Variants in C1orf167 observed in about 807,000 individuals in gnomAD.
C1orf167 encodes chromosome 1 open reading frame 167.
C1orf167 carries 153 observed loss-of-function variants against 176.5 expected under a neutral mutation model. The observed-to-expected ratio is 0.87, with a 90% confidence interval of 0.76 to 0.99. The LOEUF is 0.99. Among genes scored for constraint, C1orf167 ranks in the 50% least tolerant of loss-of-function variants. The probability of loss-of-function intolerance (pLI) is 0.00; values close to 1 mark genes in which losing one functional copy is unlikely to be tolerated. For missense variants in C1orf167, 1,490 were observed against 1,817.7 expected (o/e 0.82, Z 3.28); for synonymous variants, 594 against 752.7 (o/e 0.79, Z 3.45).
At chr1:11,770,658 C>T (rs1422977306) in intron 6 of C1orf167, among the ~76,000 whole-genome samples, 3 of 147,272 alleles carry the variant, frequency 2.0e-5, no homozygotes, top group African/African-American at 5.0e-5. Context: ...GATGGGGTTT[C>T]GCCATGTTGG....
chr1:11,764,716 G>T (rs1642702227), intron 2 of C1orf167, among the ~76,000 whole-genome samples: 1 of 152,214 alleles, frequency 6.6e-6, no homozygotes, highest in Non-Finnish European at 1.5e-5. Flanking sequence ...GGCCCCCACA[G>T]CTCGGTCCTG....
intron 11 of C1orf167, 48 bp downstream of exon 11, chr1:11,778,864 G>A: frequency 1.5e-6 from 2 of 1,293,522 alleles, no homozygotes; most frequent in South Asian, 1.2e-5. Flanking sequence ...AGGGGTGGAT[G>A]GGTGGAGATT....
intron 16 of C1orf167, chr1:11,785,619 G>A: frequency 5.5e-6 from 1 of 180,332 alleles, no homozygotes; most frequent in South Asian, 1.2e-4. Flanking sequence ...AGGTCCGGCC[G>A]CAAAGACCAG....
intron 9 of C1orf167, among the ~76,000 whole-genome samples, chr1:11,776,046 C>T (rs895584363): frequency 1.3e-5 from 2 of 152,186 alleles, no homozygotes; most frequent in Non-Finnish European, 2.9e-5. Flanking sequence ...CACCTGAGGT[C>T]AGGAGTTCCA....
At chr1:11,777,944 G>C (rs1643399482) in intron 10 of C1orf167, 1 of 152,276 alleles carries the variant, frequency 6.6e-6, no homozygotes, top group Admixed American at 6.6e-5. Context: ...TTGGGGAAAT[G>C]ATCTTCCCCT....
intron 9 of C1orf167, among the ~76,000 whole-genome samples, 196 bp from the exon 10 acceptor site, chr1:11,776,261 GAAACAAA>G (rs949841076): frequency 3.0e-4 from 45 of 149,496 alleles, no homozygotes; most frequent in African/African-American, 1.1e-3. Flanking sequence ...CTGTCTCAAA[GAAACAAA>G]AAACAAAAAA....
At chr1:11,773,082 G>T (rs989274729) in intron 8 of C1orf167, among the ~76,000 whole-genome samples, 4 of 151,570 alleles carry the variant, frequency 2.6e-5, no homozygotes, top group Non-Finnish European at 5.9e-5. Flanking sequence ...TGTATTTTTA[G>T]CAGAGTCAGG....
Position 11,782,169 on chromosome 1 carries a change from C to T in C1orf167, c.2861-20C>T. On this transcript the variant is annotated intron_variant, in intron 13 of 20. Coordinates refer to ENST00000688073, the MANE Select transcript of C1orf167 (RefSeq NM_001010881.2). ...CTGGGGTGAGCACCCAGTGGCTCTTCAGCATCTCTCTGGCCCCAGGGCAGC... is the reference window on the plus strand; with the variant it reads ...CTGGGGTGAGCACCCAGTGGCTCTTTAGCATCTCTCTGGCCCCAGGGCAGC... 1.6e-6 allele frequency: 2 copies of T among 1,254,682 alleles called. No homozygotes were observed. Among genetic ancestry groups the T allele is most frequent in the Non-Finnish European group, 1.0e-6 (1 of 965,078 alleles). The allele number at this position is 1,254,682 out of a possible 1,614,324, so 77.7% of individuals were successfully genotyped here. A position where few individuals can be genotyped will look rare whatever the true frequency, so the allele number is the denominator to read the frequency against.
chr1:11,771,031 ATGTG>A (rs58020814), intron 6 of C1orf167, among the ~76,000 whole-genome samples: 4,595 of 34,192 alleles, frequency 0.13, 625 homozygotes, highest in Admixed American at 0.38. Flanking sequence ...GTGTGTGTGT[ATGTG>A]TGTGTGTGTG....
At position 11,789,297 on chromosome 1, in the gene C1orf167, G is replaced by A; in HGVS notation, c.4201G>A (p.Ala1401Thr). 7.7e-7 allele frequency: 1 copy of A among 1,304,062 alleles called. No individual in the cohort carries two copies. The allele number at this position is 1,304,062 out of a possible 1,614,324, so 80.8% of individuals were successfully genotyped here. ...WAFKKWHQRL[A>T]ARSPRRGAAS... ...CTTTAAGAAGTGGCACCAACGCCTG[G>A]CAGCCAGGAGCCCAAGGAGAGGAGC... Residue 1401 changes from alanine to threonine, a missense_variant, in exon 21 of 21, where the codon GCA becomes ACA. Coordinates refer to ENST00000688073, the MANE Select transcript of C1orf167 (RefSeq NM_001010881.2).
chr1:11,782,154 C>T, intron 13 of C1orf167, 35 bp from the exon 14 acceptor site: 1 of 1,238,032 alleles, frequency 8.1e-7, no homozygotes, highest in Non-Finnish European at 1.0e-6. Flanking sequence ...CTGGGGTGAG[C>T]ACCCAGTGGC....
intron 6 of C1orf167, among the ~76,000 whole-genome samples, chr1:11,771,017 C>G (rs1643032429): frequency 1.7e-5 from 2 of 116,358 alleles, no homozygotes; most frequent in African/African-American, 3.3e-5. Flanking sequence ...TCACCTCTGG[C>G]AGCGTGTGTG....
chr1:11,768,103 G>C lies in C1orf167; in HGVS notation c.1370G>C (p.Arg457Pro), dbSNP rs1182468736. ...TGGCAGCTGTTGTCCAGATGTTTTC[G>C]ATCCTGGAGGCACTTGGTGAAGAGG... Reference protein sequence around the residue: ...ICWQLLSRCFRSWRHLVKRQR... With the variant: ...ICWQLLSRCFPSWRHLVKRQR... Residue 457 changes from arginine to proline, a missense_variant, in exon 5 of 21, where the codon CGA becomes CCA. By Grantham distance (103) the Arg-to-Pro change is moderately radical. Coordinates refer to ENST00000688073, the MANE Select transcript of C1orf167 (RefSeq NM_001010881.2). The surrounding 1 kb of genome is among the most constrained non-coding windows in gnomAD (Gnocchi z 4.5). The C allele has an allele frequency of 7.8e-7, 1 of 1,289,000 alleles. No individual in the cohort carries two copies. The highest frequency in any genetic ancestry group is 1.0e-6 in the Non-Finnish European group (1 of 988,480). The allele number at this position is 1,289,000 out of a possible 1,614,324, so 79.8% of individuals were successfully genotyped here.
intron 20 of C1orf167, 79 bp downstream of exon 20, chr1:11,788,825 C>T: frequency 8.3e-7 from 1 of 1,205,256 alleles, no homozygotes; most frequent in Non-Finnish European, 1.1e-6. Flanking sequence ...CACAGCCACG[C>T]ACCGTGGAGC....
At position 11,789,311 on chromosome 1, in the gene C1orf167, A is replaced by G. The variant is rs985079783; in HGVS notation, c.4215A>G (p.Pro1405=). 1 of 1,303,924 alleles carries G rather than the reference A, an allele frequency of 7.7e-7. No individual in the cohort carries two copies. The highest frequency in any genetic ancestry group is 1.5e-5 in the African/African-American group (1 of 65,812). 80.8% of individuals were successfully genotyped at this position (1,303,924 alleles called of 1,614,324 possible). ...KWHQRLAARS[P]RRGAASSPRP... ...ACCAACGCCTGGCAGCCAGGAGCCC[A>G]AGGAGAGGAGCTGCCAGTAGCCCAA... The change falls in exon 21 of 21, where the codon CCA becomes CCG. Residue 1405 remains proline, a synonymous_variant. Coordinates refer to ENST00000688073, the MANE Select transcript of C1orf167 (RefSeq NM_001010881.2).
rs1192796130 is a variant in C1orf167, at chr1:11,787,398, G to A, written c.3578G>A (p.Cys1193Tyr). ...GLPGAGKTRS[C>Y]WTQATELVPP... ...TGGCTATTCCTTCAGACCCGCAGCTGCTGGACACAGGCCACAGAGCTGGTG... is the reference window on the plus strand; with the variant it reads ...TGGCTATTCCTTCAGACCCGCAGCTACTGGACACAGGCCACAGAGCTGGTG... The change falls in exon 17 of 21, where the codon TGC becomes TAC. Residue 1193 changes from cysteine to tyrosine, a missense_variant. By Grantham distance (194) the Cys-to-Tyr change is radical (BLOSUM62 -2). Coordinates refer to ENST00000688073, the MANE Select transcript of C1orf167 (RefSeq NM_001010881.2). 1.5e-6 allele frequency: 2 copies of A among 1,297,610 alleles called. No homozygotes were observed. The highest frequency in any genetic ancestry group is 4.7e-5 in the Admixed American group (2 of 42,728). The allele number at this position is 1,297,610 out of a possible 1,614,324, so 80.4% of individuals were successfully genotyped here. A position where few individuals can be genotyped will look rare whatever the true frequency, so the allele number is the denominator to read the frequency against.
intron 3 of C1orf167, 26 bp from the exon 4 acceptor site, chr1:11,767,195 T>C (rs932431474): frequency 7.8e-7 from 1 of 1,289,430 alleles, no homozygotes; most frequent in African/African-American, 1.5e-5. Flanking sequence ...GCCTGAGAAC[T>C]GTGTTATGTA....
chr1:11,775,638 C>A, intron 9 of C1orf167, 28 bp downstream of exon 9: 2 of 1,285,820 alleles, frequency 1.6e-6, no homozygotes, highest in Non-Finnish European at 2.0e-6. Context: ...TCCGCCCCAG[C>A]AAACCGTGTC....
At chr1:11,776,680 G>A (rs977069380) in intron 10 of C1orf167, 42 bp downstream of exon 10, 3 of 1,187,536 alleles carry the variant, frequency 2.5e-6, no homozygotes, top group African/African-American at 3.3e-5. Context: ...GGGCCTGGGG[G>A]CTGTGGGGTG....
Sources: allele counts gnomAD v4.1 joint callset (sites outside exome capture counted in the v4.1 genomes callset), GRCh38; gene constraint gnomAD v4.1.1; non-coding constraint Gnocchi (gnomAD v3.1); transcripts MANE v1.5; gene names NCBI Gene and HGNC (gene_info 2026-07-23, HGNC 2026-07-21).